TEAD1: variants seen among roughly 807,000 people sequenced by gnomAD.
TEAD1 encodes TEA domain transcription factor 1.
A neutral mutation model predicts 54.9 loss-of-function variants in TEAD1; 9 were observed. That is an observed-to-expected ratio of 0.16 (90% CI 0.10 to 0.29). The LOEUF (loss-of-function observed/expected upper bound fraction) is 0.29. Ranked by LOEUF, TEAD1 falls within the 10% of genes least tolerant of loss-of-function variation. The pLI is 1.00. For missense variants in TEAD1, 387 were observed against 535.9 expected (o/e 0.72, Z 2.74); for synonymous variants, 200 against 187.8 (o/e 1.07, Z -0.53).
chr11:12,847,760 A>G (rs935563314), intron 3 of TEAD1, among the ~76,000 whole-genome samples: 2 of 152,148 alleles, frequency 1.3e-5, no homozygotes, highest in African/African-American at 4.8e-5. Context: ...GGCCTCAAGC[A>G]GTCCTCCTGT....
At chr11:12,814,075 C>T (rs1946363708) in intron 3 of TEAD1, among the ~76,000 whole-genome samples, 1 of 152,138 alleles carries the variant, frequency 6.6e-6, no homozygotes, top group Non-Finnish European at 1.5e-5. Flanking sequence ...TGTCTCATTC[C>T]CCTTCACCTC....
At chr11:12,759,589 G>T (rs11022494) in intron 2 of TEAD1, among the ~76,000 whole-genome samples, 1 of 152,268 alleles carries the variant, frequency 6.6e-6, no homozygotes, top group Non-Finnish European at 1.5e-5. Flanking sequence ...CCAGCTGGGC[G>T]CGGTGGCTCA....
intron 2 of TEAD1, among the ~76,000 whole-genome samples, chr11:12,726,894 G>A (rs750313416): frequency 1.3e-5 from 2 of 152,212 alleles, no homozygotes; most frequent in African/African-American, 2.4e-5. Context: ...ATTTTTGGAT[G>A]TGTTGAGTTA....
chr11:12,716,236 C>T (rs1944059356), intron 2 of TEAD1, among the ~76,000 whole-genome samples: 1 of 152,210 alleles, frequency 6.6e-6, no homozygotes, highest in Non-Finnish European at 1.5e-5. Context: ...AACCACCGGA[C>T]AAGCAGAATC....
At chr11:12,879,675 G>T (rs374164471) in intron 5 of TEAD1, 33 bp from the exon 6 acceptor site, 2 of 1,613,980 alleles carry the variant, frequency 1.2e-6, no homozygotes, top group South Asian at 2.2e-5. Context: ...CATGCGTTAT[G>T]TATTAAGTTG....
intron 10 of TEAD1, among the ~76,000 whole-genome samples, chr11:12,920,096 G>A (rs1001231868): frequency 2.6e-5 from 4 of 152,050 alleles, no homozygotes; most frequent in Admixed American, 6.5e-5. Context: ...GAATTTTTAC[G>A]TTTACAATTT....
intron 3 of TEAD1, among the ~76,000 whole-genome samples, chr11:12,772,704 C>T (rs906648656): frequency 6.6e-6 from 1 of 152,090 alleles, no homozygotes; most frequent in African/African-American, 2.4e-5. Context: ...TTGCCCATTT[C>T]CCCCCAATAT....
chr11:12,749,714 C>T lies in TEAD1; in HGVS notation c.-54-14465C>T, dbSNP rs907767946. On this transcript the variant is annotated intron_variant, in intron 2 of 12. Coordinates refer to ENST00000527636, the MANE Select transcript of TEAD1 (RefSeq NM_021961.6). The stretch of plus-strand genomic sequence containing the variant: ...GCCCCCACTGAATGCCCTTACAGTG[C>T]TTGTGGACGGCTTAGAGTGGTCTTG... 2.6e-5 allele frequency among the ~76,000 whole-genome samples: 4 copies of T among 152,164 alleles called. No individual in the cohort carries two copies. The South Asian group carries it at 8.3e-4, about 31-fold the overall frequency.
intron 3 of TEAD1, among the ~76,000 whole-genome samples, chr11:12,807,214 C>T (rs557557344): frequency 1.3e-5 from 2 of 152,198 alleles, no homozygotes; most frequent in East Asian, 1.9e-4. Flanking sequence ...GATTTTTTAT[C>T]CCATGAGGTT....
At chr11:12,891,753 T>C (rs1323624526) in intron 9 of TEAD1, among the ~76,000 whole-genome samples, 3 of 152,190 alleles carry the variant, frequency 2.0e-5, no homozygotes, top group Non-Finnish European at 4.4e-5. Context: ...AATTTCACAG[T>C]GTATGAGAAA....
At chr11:12,864,993 C>T (rs10500764) in intron 5 of TEAD1, 93 bp downstream of exon 5, 394,390 of 1,400,892 alleles carry the variant, frequency 0.28, 60,786 homozygotes, top group Admixed American at 0.38. Flanking sequence ...CTGGGATTCT[C>T]GTAACCTAGT....
chr11:12,873,750 A>G (rs552368581), intron 5 of TEAD1, among the ~76,000 whole-genome samples: 7 of 152,328 alleles, frequency 4.6e-5, no homozygotes, highest in Non-Finnish European at 7.4e-5. Context: ...TTCCAAAACC[A>G]TAATATAGTT....
At chr11:12,833,754 T>C (rs1377213911) in intron 3 of TEAD1, among the ~76,000 whole-genome samples, 1 of 152,226 alleles carries the variant, frequency 6.6e-6, no homozygotes, top group East Asian at 1.9e-4. Flanking sequence ...TTCCAAGTTA[T>C]GGTACCATTT....
At chr11:12,817,025 T>C (rs1418620475) in intron 3 of TEAD1, among the ~76,000 whole-genome samples, 1 of 152,180 alleles carries the variant, frequency 6.6e-6, no homozygotes, top group Non-Finnish European at 1.5e-5. Context: ...CACTGCCCAA[T>C]TGAAATGTGT....
chr11:12,893,159 T>G (rs1948232976), intron 9 of TEAD1, among the ~76,000 whole-genome samples: 2 of 152,342 alleles, frequency 1.3e-5, no homozygotes, highest in South Asian at 4.1e-4. Flanking sequence ...GAAAGTACAT[T>G]TGGCCTTCCA....
At chr11:12,681,857 A>G (rs1590047023) in intron 2 of TEAD1, among the ~76,000 whole-genome samples, 1 of 152,210 alleles carries the variant, frequency 6.6e-6, no homozygotes, top group African/African-American at 2.4e-5. Flanking sequence ...GGGCACATAG[A>G]TCCATTTACA....
intron 2 of TEAD1, among the ~76,000 whole-genome samples, chr11:12,694,127 C>T (rs1345817569): frequency 6.6e-6 from 1 of 152,204 alleles, no homozygotes; most frequent in Non-Finnish European, 1.5e-5. Context: ...GGGGAAGTGC[C>T]CCAGCAAACA....
At chr11:12,776,756 A>ATTT (rs773092978) in intron 3 of TEAD1, among the ~76,000 whole-genome samples, 1,626 of 115,606 alleles carry the variant, frequency 0.014, 15 homozygotes, top group Non-Finnish European at 0.018. Context: ...CCATTTGGAT[A>ATTT]TTTATTATTA....
chr11:12,901,333 T>A (rs1464164865), intron 9 of TEAD1, among the ~76,000 whole-genome samples: 1 of 152,186 alleles, frequency 6.6e-6, no homozygotes, highest in Non-Finnish European at 1.5e-5. Context: ...GCCTTGTAGA[T>A]CTTCTCTGTG....
Sources: gnomAD v4.1 joint callset for allele counts (sites outside exome capture counted in the v4.1 genomes callset) on GRCh38, gnomAD v4.1.1 for gene constraint, MANE v1.5 for transcripts, NCBI Gene and HGNC (gene_info 2026-07-23, HGNC 2026-07-21) for gene names.